Variants in DGKG observed in about 807,000 individuals in gnomAD.
DGKG encodes the protein diacylglycerol kinase gamma.
In DGKG, 78 loss-of-function variants were observed where a neutral mutation model predicts 105.3. That is an observed-to-expected ratio of 0.74 (90% CI 0.62 to 0.89). The LOEUF (loss-of-function observed/expected upper bound fraction) is 0.89, where lower values mean the gene tolerates loss of function less well. DGKG is among the 40% of genes least tolerant of loss of function. DGKG has a pLI of 0.00. For missense variants in DGKG, 958 were observed against 1,020.1 expected (o/e 0.94, Z 0.83); for synonymous variants, 346 against 367.1 (o/e 0.94, Z 0.66).
At chr3:186,161,269 C>T (rs1367000718) in intron 24 of DGKG, 33 of 1,070,388 alleles carry the variant, frequency 3.1e-5, no homozygotes, top group Non-Finnish European at 3.7e-5. Flanking sequence ...GTAGTAAATT[C>T]CTTGCCATTG....
chr3:186,259,973 T>C (rs1458667368), intron 16 of DGKG, among the ~76,000 whole-genome samples: 1 of 152,190 alleles, frequency 6.6e-6, no homozygotes, highest in Non-Finnish European at 1.5e-5. Flanking sequence ...CAAGTAATTG[T>C]CTTGATCCTA....
intron 3 of DGKG, among the ~76,000 whole-genome samples, chr3:186,303,780 A>T (rs1174252541): frequency 6.6e-6 from 1 of 152,154 alleles, no homozygotes; most frequent in Non-Finnish European, 1.5e-5. Flanking sequence ...GCGCATGTTC[A>T]TCACGGCCAG....
At chr3:186,269,417 C>T (rs956011082) in intron 11 of DGKG, among the ~76,000 whole-genome samples, 2 of 152,178 alleles carry the variant, frequency 1.3e-5, no homozygotes, top group African/African-American at 4.8e-5. Context: ...ATAAGAAGTC[C>T]CACCTCTGGG....
intron 24 of DGKG, among the ~76,000 whole-genome samples, chr3:186,156,801 G>A (rs1015025716): frequency 1.3e-5 from 2 of 151,380 alleles, no homozygotes; most frequent in African/African-American, 4.9e-5. Context: ...GATTATTGCT[G>A]GTATACTATT....
intron 21 of DGKG, among the ~76,000 whole-genome samples, chr3:186,194,197 A>G (rs1352864302): frequency 3.9e-5 from 6 of 152,262 alleles, no homozygotes; most frequent in Admixed American, 1.3e-4. Flanking sequence ...TGCACAGGTA[A>G]CAGAGACAAG....
chr3:186,158,762 T>C (rs1415025935), intron 24 of DGKG: 11 of 948,342 alleles, frequency 1.2e-5, no homozygotes, highest in Non-Finnish European at 1.3e-5. Context: ...TTTCTCAGAA[T>C]ATGTATTGAT....
At position 186,231,911 on chromosome 3, in the gene DGKG, G is replaced by C. The variant is rs1399276317; in HGVS notation, c.1826+10593C>G. Among the ~76,000 whole-genome samples, 5 of 152,118 alleles carry C rather than the reference G, an allele frequency of 3.3e-5. No individual in the cohort carries two copies. Among genetic ancestry groups the C allele is most frequent in the African/African-American group, 1.2e-4 (5 of 41,422 alleles). ...CTCCAGCCTGGGTGACAGAGAGAGA[G>C]ACTCCGTCTCAAAAAAACAAAAATA... On this transcript the variant is annotated intron_variant, in intron 20 of 24. Transcript: ENST00000265022. This position sits in a 1 kb window ranked among gnomAD's most constrained non-coding sequence, Gnocchi z 4.5.
At position 186,164,918 on chromosome 3, in the gene DGKG, C is replaced by T; in HGVS notation, c.2196G>A (p.Gln732=). The T allele has an allele frequency of 6.2e-7, 1 of 1,613,504 alleles. No homozygotes were observed. Among genetic ancestry groups the T allele is most frequent in the Non-Finnish European group, 8.5e-7 (1 of 1,179,742 alleles). Residue 732 remains glutamine (Q), a synonymous_variant, in exon 23 of 25, where the codon CAG becomes CAA. Transcript: ENST00000265022. The part of the protein sequence containing the change: ...GLKSAGRRLA[Q]CASVTIRTNK... ...CATACCTGATGGTGACAGAGGCGCA[C>T]TGGGCCAGCCTCCTGCCTGCACTCT...
At chr3:186,343,980 C>T (rs2108663224) in intron 1 of DGKG, among the ~76,000 whole-genome samples, 2 of 152,240 alleles carry the variant, frequency 1.3e-5, no homozygotes, top group Admixed American at 1.3e-4. Flanking sequence ...GTTCCCTCTG[C>T]TGTTGTTTAT....
chr3:186,299,821 C>CTTTCTTTA (rs1449357272), intron 3 of DGKG, among the ~76,000 whole-genome samples: 1 of 99,408 alleles, frequency 1.0e-5, no homozygotes, highest in Non-Finnish European at 2.1e-5. Flanking sequence ...TTCTTTCTTT[C>CTTTCTTTA]TTTCTTTCTT....
intron 19 of DGKG, among the ~76,000 whole-genome samples, chr3:186,250,557 C>CTTTTTT (rs10529645): frequency 8.6e-6 from 1 of 116,178 alleles, no homozygotes. Context: ...TTCTGTCATT[C>CTTTTTT]TTTTTTTTTT....
At position 186,148,232 on chromosome 3, in the gene DGKG, C is replaced by A; in HGVS notation, c.*1858G>T. 5.1e-6 allele frequency: 5 copies of A among 985,472 alleles called. No individual in the cohort carries two copies. In the South Asian group the frequency reaches 2.3e-4, roughly 46 times the overall value. 61.0% of individuals were successfully genotyped at this position (985,472 alleles called of 1,614,324 possible). ...TGAAGCCCACTGAGCTCTGCTGAGA[C>A]CCCTCTGTCCTGGCTGGCAGTATCT... On this transcript the variant is annotated 3_prime_UTR_variant, in exon 25 of 25. Coordinates refer to ENST00000265022, the MANE Select transcript of DGKG (RefSeq NM_001346.3).
intron 3 of DGKG, among the ~76,000 whole-genome samples, chr3:186,305,749 A>C (rs9857826): frequency 0.5 from 76,268 of 151,926 alleles, 20,024 homozygotes; most frequent in Non-Finnish European, 0.57. Flanking sequence ...ATACATTTTG[A>C]AGGTAGATCT....
intron 2 of DGKG, among the ~76,000 whole-genome samples, chr3:186,318,207 C>G (rs1460962887): frequency 1.3e-5 from 2 of 152,118 alleles, no homozygotes; most frequent in African/African-American, 4.8e-5. Flanking sequence ...CTTTGACACA[C>G]AAGGCCCAAG....
chr3:186,354,230 G>A (rs1726794852), intron 1 of DGKG, among the ~76,000 whole-genome samples: 1 of 152,176 alleles, frequency 6.6e-6, no homozygotes, highest in Non-Finnish European at 1.5e-5. Flanking sequence ...GCACGACGGA[G>A]CTGGTGAAGT....
Position 186,150,195 on chromosome 3 carries a change from G to A in DGKG, c.2278-7C>T, listed in dbSNP as rs780932680. Reference sequence around the variant, plus strand: ...TCTTGTGAGTAATTTTAATCTAAAAGCAAAGAGGCAGAAATGAATTAGTGG... The same window carrying A: ...TCTTGTGAGTAATTTTAATCTAAAAACAAAGAGGCAGAAATGAATTAGTGG... On this transcript the variant is annotated splice_region_variant and splice_polypyrimidine_tract_variant and intron_variant, in intron 24 of 24. Coordinates refer to ENST00000265022, the MANE Select transcript of DGKG (RefSeq NM_001346.3). 1.2e-6 allele frequency: 2 copies of A among 1,607,790 alleles called. No homozygotes were observed. The highest frequency in any genetic ancestry group is 3.4e-5 in the Admixed American group (2 of 59,584).
chr3:186,236,735 C>T (rs556757034), intron 20 of DGKG, among the ~76,000 whole-genome samples: 1 of 152,304 alleles, frequency 6.6e-6, no homozygotes, highest in Non-Finnish European at 1.5e-5. Context: ...TAGTCAAGGG[C>T]TTTTGAGAAA....
chr3:186,253,147 C>G lies in DGKG; in HGVS notation c.1546G>C (p.Val516Leu), dbSNP rs150359028. The G allele has an allele frequency of 7.7e-5, 124 of 1,614,084 alleles. No homozygotes were observed. Among genetic ancestry groups the G allele is most frequent in the African/African-American group, 2.7e-5 (2 of 74,934 alleles). ...TCATTTCCTGTTCCAAGAGGCAGGA[C>G]AGCCACTGGTGGATGCTTTGCAAAG... ...ANFAKHPPVA[V>L]LPLGTGNDLA... is the part of the protein sequence containing the mutation. The change falls in exon 18 of 25, where the codon GTC becomes CTC. Residue 516 changes from valine to leucine, a missense_variant. Physicochemically the swap from Val to Leu is conservative, Grantham distance 32. Coordinates refer to ENST00000265022, the MANE Select transcript of DGKG (RefSeq NM_001346.3).
At chr3:186,197,772 C>T (rs774782070) in intron 21 of DGKG, among the ~76,000 whole-genome samples, 5 of 152,122 alleles carry the variant, frequency 3.3e-5, no homozygotes, top group Admixed American at 6.6e-5. Context: ...CACAGAGTTG[C>T]GGACTACTTA....
Sources: allele counts gnomAD v4.1 joint callset (sites outside exome capture counted in the v4.1 genomes callset), GRCh38; gene constraint gnomAD v4.1.1; non-coding constraint Gnocchi (gnomAD v3.1); transcripts MANE v1.5; gene names NCBI Gene and HGNC (gene_info 2026-07-23, HGNC 2026-07-21).